Variants in CPQ observed in about 807,000 individuals in gnomAD.
CPQ encodes Ser-Met dipeptidase.
A neutral mutation model predicts 45.7 loss-of-function variants in CPQ; 37 were observed. The ratio of observed to expected loss-of-function variants is 0.81; its 90% CI spans 0.62 to 1.07. CPQ has a LOEUF of 1.07. Ranked by LOEUF, CPQ falls within the 50% of genes least tolerant of loss-of-function variation. The probability of loss-of-function intolerance (pLI) is 0.00; values close to 1 mark genes in which losing one functional copy is unlikely to be tolerated. For synonymous variants in CPQ, 186 were observed against 205.8 expected, an observed-to-expected ratio of 0.90 and a Z score of 0.82; for missense variants, 537 against 572.9, an observed-to-expected ratio of 0.94 and a Z score of 0.64.
intron 2 of CPQ, among the ~76,000 whole-genome samples, chr8:96,809,108 A>G (rs1490255733): frequency 1.3e-5 from 2 of 152,148 alleles, no homozygotes; most frequent in Non-Finnish European, 2.9e-5. Flanking sequence ...AGATTCTTTA[A>G]TGAGAATAAG....
intron 1 of CPQ, among the ~76,000 whole-genome samples, chr8:96,731,502 T>C (rs1809912670): frequency 1.3e-5 from 2 of 152,234 alleles, no homozygotes; most frequent in East Asian, 1.9e-4. Context: ...AAATTCCTGA[T>C]TGACTTGCAG....
intron 1 of CPQ, among the ~76,000 whole-genome samples, chr8:96,751,052 T>C (rs986960256): frequency 3.3e-5 from 5 of 152,222 alleles, no homozygotes; most frequent in African/African-American, 1.2e-4. Context: ...GTCATTTGGG[T>C]TGATTCCATG....
In CPQ at chr8:96,972,229, T is replaced by G. The variant is rs2130373909; in HGVS notation, c.961+6183T>G. 2.0e-5 allele frequency among the ~76,000 whole-genome samples: 3 copies of G among 152,266 alleles called. No individual in the cohort carries two copies. The South Asian group carries it at 6.2e-4, about 32-fold the overall frequency. The stretch of plus-strand genomic sequence containing the variant: ...ATGGGAGCAGGGTAAGGCCTGTGAC[T>G]GCCAGCTTTCCTCCACCTCCCTGGC... On this transcript the variant is annotated intron_variant, in intron 5 of 7. Coordinates refer to ENST00000220763, the MANE Select transcript of CPQ (RefSeq NM_016134.4).
chr8:96,979,505 C>T (rs1045977807), intron 5 of CPQ, among the ~76,000 whole-genome samples: 8 of 152,104 alleles, frequency 5.3e-5, no homozygotes, highest in South Asian at 2.1e-4. Context: ...CTGTGTTCTT[C>T]GCCTACACGC....
intron 3 of CPQ, among the ~76,000 whole-genome samples, chr8:96,840,283 C>A (rs1811589287): frequency 6.6e-6 from 1 of 152,122 alleles, no homozygotes; most frequent in East Asian, 1.9e-4. Context: ...CAGAGAAATG[C>A]AATTCTGGGG....
At chr8:96,817,270 T>G (rs1811240380) in intron 2 of CPQ, among the ~76,000 whole-genome samples, 1 of 152,098 alleles carries the variant, frequency 6.6e-6, no homozygotes, top group Admixed American at 6.5e-5. Context: ...TGGGCCCTCT[T>G]TCCTTAAATG....
intron 1 of CPQ, among the ~76,000 whole-genome samples, chr8:96,649,684 G>T (rs541818528): frequency 3.3e-5 from 5 of 152,324 alleles, no homozygotes; most frequent in Admixed American, 1.3e-4. Flanking sequence ...CCAGGATATA[G>T]CCTTTTCTGT....
In CPQ at chr8:96,788,873, A is replaced by AGCTTACT. The variant is rs755319644; in HGVS notation, c.433+3545_433+3551dup. Among the ~76,000 whole-genome samples the AGCTTACT allele has an allele frequency of 2.4e-4, 37 of 151,966 alleles. 1 individual carries two copies. Among genetic ancestry groups the AGCTTACT allele is most frequent in the Non-Finnish European group, 4.7e-4 (32 of 67,970 alleles). Reference sequence around the variant, plus strand: ...TATGACCTCTATCAATCTGTCATCAAGCTTACTGATTCTTTCTTCTATTAG... The same window carrying AGCTTACT: ...TATGACCTCTATCAATCTGTCATCAAGCTTACTGCTTACTGATTCTTTCTTCTATTAG... On this transcript the variant is annotated intron_variant, in intron 2 of 7. Transcript: ENST00000220763.
At chr8:96,971,752 G>C (rs1813683366) in intron 5 of CPQ, among the ~76,000 whole-genome samples, 1 of 152,182 alleles carries the variant, frequency 6.6e-6, no homozygotes, top group South Asian at 2.1e-4. Context: ...ATGCGTAGAT[G>C]CTGCTTGCTT....
intron 5 of CPQ, among the ~76,000 whole-genome samples, chr8:96,988,638 G>A (rs1017042956): frequency 6.6e-6 from 1 of 152,156 alleles, no homozygotes; most frequent in African/African-American, 2.4e-5. Context: ...AATATTAGCA[G>A]TTAAAATTTT....
At chr8:97,039,300 C>G (rs1810066156) in intron 6 of CPQ, among the ~76,000 whole-genome samples, 1 of 152,198 alleles carries the variant, frequency 6.6e-6, no homozygotes, top group Non-Finnish European at 1.5e-5. Context: ...TAAATGTTTA[C>G]ACATATAGAA....
intron 1 of CPQ, among the ~76,000 whole-genome samples, chr8:96,784,062 A>G (rs759904360): frequency 3.3e-5 from 5 of 152,154 alleles, no homozygotes; most frequent in Admixed American, 6.6e-5. Context: ...TGTAAAATAA[A>G]GGTAATAATA....
At chr8:96,815,332 T>G (rs1811214088) in intron 2 of CPQ, among the ~76,000 whole-genome samples, 1 of 152,084 alleles carries the variant, frequency 6.6e-6, no homozygotes. Flanking sequence ...CACAACAGTT[T>G]TAAGTACACA....
At position 97,014,550 on chromosome 8, in the gene CPQ, G is replaced by T. The variant is rs562989766; in HGVS notation, c.962-14853G>T. Among the ~76,000 whole-genome samples, 5 of 151,056 alleles carry T rather than the reference G, an allele frequency of 3.3e-5. No homozygotes were observed. The South Asian group carries it at 1.0e-3, about 32-fold the overall frequency. ...CTGTAATCTCTGGAGGCAGAGGCAT[G>T]AGAATCACTTGAACCCAGGAGTCGG... On this transcript the variant is annotated intron_variant, in intron 5 of 7. Transcript: ENST00000220763.
intron 1 of CPQ, among the ~76,000 whole-genome samples, chr8:96,769,094 C>T (rs1810507090): frequency 6.6e-6 from 1 of 152,180 alleles, no homozygotes; most frequent in Non-Finnish European, 1.5e-5. Context: ...TTCAAGGAAG[C>T]CTATATTCTC....
intron 7 of CPQ, among the ~76,000 whole-genome samples, chr8:97,113,971 A>G (rs904049716): frequency 6.6e-6 from 1 of 152,152 alleles, no homozygotes; most frequent in Admixed American, 6.5e-5. Context: ...CAGCCAAGAA[A>G]ACTCTTTTAG....
At chr8:96,687,101 C>T (rs1809239614) in intron 1 of CPQ, among the ~76,000 whole-genome samples, 1 of 152,090 alleles carries the variant, frequency 6.6e-6, no homozygotes. Context: ...ATTTCTCCTC[C>T]TCCACCCATG....
chr8:96,755,437 A>G (rs1810316166), intron 1 of CPQ, among the ~76,000 whole-genome samples: 1 of 151,874 alleles, frequency 6.6e-6, no homozygotes, highest in African/African-American at 2.4e-5. Flanking sequence ...TTCTCACTTG[A>G]TACAATAATT....
chr8:96,826,088 C>T (rs1242125623), intron 2 of CPQ, among the ~76,000 whole-genome samples: 2 of 151,958 alleles, frequency 1.3e-5, no homozygotes, highest in African/African-American at 2.4e-5. Flanking sequence ...GTTAGCTAAC[C>T]AAAGCTGCCA....
Sources: gnomAD v4.1 joint callset for allele counts (sites outside exome capture counted in the v4.1 genomes callset) on GRCh38, gnomAD v4.1.1 for gene constraint, MANE v1.5 for transcripts, NCBI Gene and HGNC (gene_info 2026-07-23, HGNC 2026-07-21) for gene names.